The following ZBTB16 variants were observed in gnomAD, a reference collection of about 807,000 sequenced individuals.
ZBTB16 encodes the protein zinc finger and BTB domain containing 16.
A neutral mutation model predicts 56.8 loss-of-function variants in ZBTB16; 8 were observed. The ratio of observed to expected loss-of-function variants is 0.14; its 90% CI spans 0.08 to 0.25. The LOEUF is 0.25. ZBTB16 is among the 10% of genes least tolerant of loss of function. The pLI is 1.00. For missense variants in ZBTB16, 625 were observed against 903.0 expected (o/e 0.69, Z 3.95); for synonymous variants, 363 against 368.5 (o/e 0.98, Z 0.17).
chr11:114,199,502 A>C (rs919986545), intron 4 of ZBTB16, among the ~76,000 whole-genome samples: 2 of 152,216 alleles, frequency 1.3e-5, no homozygotes, highest in Non-Finnish European at 2.9e-5. Flanking sequence ...CTCCCACCCT[A>C]GTGGAAATGT....
chr11:114,065,522 T>A (rs1291191284), intron 2 of ZBTB16, among the ~76,000 whole-genome samples: 6 of 152,174 alleles, frequency 3.9e-5, no homozygotes, highest in Admixed American at 1.3e-4. Flanking sequence ...GTTAAGGTGA[T>A]TCTCCTGCCT....
intron 2 of ZBTB16, among the ~76,000 whole-genome samples, chr11:114,104,661 G>A (rs1284149943): frequency 6.6e-6 from 1 of 152,192 alleles, no homozygotes; most frequent in Non-Finnish European, 1.5e-5. Flanking sequence ...TGTGGCCTGG[G>A]AACCCAGAGG....
chr11:114,103,635 C>T (rs1308900774), intron 2 of ZBTB16, among the ~76,000 whole-genome samples: 1 of 151,894 alleles, frequency 6.6e-6, no homozygotes, highest in Non-Finnish European at 1.5e-5. Flanking sequence ...TGGTGCTCCC[C>T]CACCCTGTGT....
intron 6 of ZBTB16, 23 bp downstream of exon 6, chr11:114,247,388 C>T (rs367674516): frequency 3.5e-5 from 57 of 1,612,238 alleles, no homozygotes; most frequent in Non-Finnish European, 4.8e-5. Flanking sequence ...AGGGAGGGGC[C>T]TGAGCTGGCT....
chr11:114,117,256 T>C (rs947395013), intron 2 of ZBTB16, among the ~76,000 whole-genome samples: 3 of 152,098 alleles, frequency 2.0e-5, no homozygotes, highest in African/African-American at 7.2e-5. Context: ...GAGCCTATCA[T>C]GAAGTCTTGC....
intron 4 of ZBTB16, among the ~76,000 whole-genome samples, chr11:114,239,532 A>G (rs1281568229): frequency 2.0e-5 from 3 of 152,168 alleles, no homozygotes; most frequent in Non-Finnish European, 4.4e-5. Flanking sequence ...AGGGAGGGAC[A>G]TTGAAGACTC....
rs1322101693 is a variant in ZBTB16, at chr11:114,143,155, G to A, written c.1269-13182G>A. 6.6e-6 allele frequency among the ~76,000 whole-genome samples: 1 copy of A among 152,160 alleles called. No individual in the cohort carries two copies. The highest frequency in any genetic ancestry group is 1.9e-4 in the East Asian group (1 of 5,186). On this transcript the variant is annotated intron_variant, in intron 2 of 6. Transcript: ENST00000335953. The surrounding 1 kb of genome is among the most constrained non-coding windows in gnomAD (Gnocchi z 6.4). ...GTGTGCTGGCTGATGAGGGTGAGGA[G>A]CGGTGGGTACCCGGCTCTAAGCAAT...
At chr11:114,178,436 G>T (rs1302145184) in intron 3 of ZBTB16, among the ~76,000 whole-genome samples, 1 of 152,190 alleles carries the variant, frequency 6.6e-6, no homozygotes, top group Non-Finnish European at 1.5e-5. Flanking sequence ...CAGGGTGGTA[G>T]CTAGACATGG....
intron 3 of ZBTB16, among the ~76,000 whole-genome samples, chr11:114,163,844 C>G (rs1942666476): frequency 6.6e-6 from 1 of 152,182 alleles, no homozygotes; most frequent in South Asian, 2.1e-4. Context: ...AAATTTGTTT[C>G]CACATTATGT....
At chr11:114,085,808 CA>C (rs1375048589) in intron 2 of ZBTB16, among the ~76,000 whole-genome samples, 2 of 152,000 alleles carry the variant, frequency 1.3e-5, no homozygotes, top group Non-Finnish European at 2.9e-5. Context: ...GATGGGAGAT[CA>C]AGCAGGGAAA....
intron 2 of ZBTB16, among the ~76,000 whole-genome samples, chr11:114,087,579 C>G (rs1421032963): frequency 6.6e-6 from 1 of 152,166 alleles, no homozygotes; most frequent in Non-Finnish European, 1.5e-5. Context: ...CCTCTCCAGC[C>G]TACTTAACCA....
In ZBTB16 at chr11:114,236,543, G is replaced by A. The variant is rs909085555; in HGVS notation, c.1454-5624G>A. Reference sequence around the variant, plus strand: ...AGACAGACACGGGGGGCCTCAGTGAGATCCGCTGCCTGTGGGTCACTTGTC... The same window carrying A: ...AGACAGACACGGGGGGCCTCAGTGAAATCCGCTGCCTGTGGGTCACTTGTC... On this transcript the variant is annotated intron_variant, in intron 4 of 6. Transcript: ENST00000335953. Among the ~76,000 whole-genome samples the A allele has an allele frequency of 7.2e-5, 11 of 152,342 alleles. No homozygotes were observed. In the East Asian group the frequency reaches 1.9e-3, roughly 27 times the overall value.
At chr11:114,201,963 A>G (rs1943746884) in intron 4 of ZBTB16, among the ~76,000 whole-genome samples, 1 of 152,234 alleles carries the variant, frequency 6.6e-6, no homozygotes, top group Non-Finnish European at 1.5e-5. Flanking sequence ...TCTAAAAAGA[A>G]AAGGCTGCAA....
At chr11:114,101,732 A>G (rs192523938) in intron 2 of ZBTB16, among the ~76,000 whole-genome samples, 79 of 152,330 alleles carry the variant, frequency 5.2e-4, no homozygotes, top group Non-Finnish European at 9.3e-4. Flanking sequence ...TCTCCTGGCT[A>G]TTATTGGAGT....
intron 5 of ZBTB16, among the ~76,000 whole-genome samples, chr11:114,243,791 G>A (rs901979897): frequency 1.3e-5 from 2 of 152,218 alleles, no homozygotes; most frequent in African/African-American, 4.8e-5. Context: ...GGTCCAATCA[G>A]TTGGCTTCAT....
At chr11:114,181,699 C>T (rs1259016348) in intron 3 of ZBTB16, among the ~76,000 whole-genome samples, 4 of 152,126 alleles carry the variant, frequency 2.6e-5, no homozygotes, top group East Asian at 1.9e-4. Context: ...CGTGGGATCT[C>T]GTGCCTGCAC....
chr11:114,233,079 G>GCGCGCGCGCGCGCGCA (rs1944483148), intron 4 of ZBTB16, among the ~76,000 whole-genome samples: 4 of 53,762 alleles, frequency 7.4e-5, no homozygotes, highest in African/African-American at 2.4e-4. Flanking sequence ...GCGCGCGCGC[G>GCGCGCGCGCGCGCGCA]CGCACACACA....
At chr11:114,168,330 G>A (rs936002561) in intron 3 of ZBTB16, among the ~76,000 whole-genome samples, 6 of 152,208 alleles carry the variant, frequency 3.9e-5, no homozygotes. Context: ...CTTGTCAGTA[G>A]TGTGCTCTGT....
chr11:114,061,425 A>G (rs1280756378), intron 1 of ZBTB16: 3 of 152,144 alleles, frequency 2.0e-5, no homozygotes, highest in Non-Finnish European at 4.4e-5. Flanking sequence ...GCTCGGCTGA[A>G]TGCTCATCCC....
Sources: allele counts gnomAD v4.1 joint callset (sites outside exome capture counted in the v4.1 genomes callset), GRCh38; gene constraint gnomAD v4.1.1; non-coding constraint Gnocchi (gnomAD v3.1); transcripts MANE v1.5; gene names NCBI Gene and HGNC (gene_info 2026-07-23, HGNC 2026-07-21).